ZNF292: variants seen among roughly 807,000 people sequenced by gnomAD.
ZNF292 encodes the protein 16 zinc-finger domain protein.
In ZNF292, 26 loss-of-function variants were observed where a neutral mutation model predicts 217.9. The observed-to-expected ratio is 0.12, with a 90% CI of 0.09 to 0.17. ZNF292 has a LOEUF of 0.17. Ranked by LOEUF, ZNF292 falls within the 10% of genes least tolerant of loss-of-function variation. The probability of loss-of-function intolerance (pLI) is 1.00; values close to 1 mark genes in which losing one functional copy is unlikely to be tolerated. For synonymous variants in ZNF292, 1,257 were observed against 1,124.1 expected (o/e 1.12, Z -2.37); for missense variants, 2,904 against 3,175.2 (o/e 0.91, Z 2.05).
At chr6:87,242,010 C>T (rs1345831849) in intron 5 of ZNF292, among the ~76,000 whole-genome samples, 38 of 152,126 alleles carry the variant, frequency 2.5e-4, no homozygotes, top group Admixed American at 2.5e-3. Flanking sequence ...CATCATAAGT[C>T]GCAGACCATC....
intron 1 of ZNF292, among the ~76,000 whole-genome samples, chr6:87,190,313 A>G (rs1003771433): frequency 1.3e-5 from 2 of 152,198 alleles, no homozygotes; most frequent in Non-Finnish European, 2.9e-5. Flanking sequence ...ATTAATGAAC[A>G]TTGTCTTAGA....
At chr6:87,210,036 A>G (rs1188183518) in intron 1 of ZNF292, among the ~76,000 whole-genome samples, 1 of 152,210 alleles carries the variant, frequency 6.6e-6, no homozygotes, top group Non-Finnish European at 1.5e-5. Context: ...TGTTTATTAA[A>G]TGTAACACCC....
chr6:87,164,081 A>G (rs1458540037), intron 1 of ZNF292, among the ~76,000 whole-genome samples: 2 of 152,192 alleles, frequency 1.3e-5, no homozygotes, highest in Non-Finnish European at 2.9e-5. Context: ...CATGTTACAA[A>G]CTATCCAAAA....
chr6:87,226,677 ATATATAGATTT>A (rs1365385833), intron 4 of ZNF292, among the ~76,000 whole-genome samples: 1 of 107,888 alleles, frequency 9.3e-6, no homozygotes, highest in Non-Finnish European at 1.9e-5. Context: ...AGATATATAG[ATATATAGATTT>A]TTTTTTTTTG....
chr6:87,232,718 GAA>G (rs1773714013), intron 4 of ZNF292, among the ~76,000 whole-genome samples: 1 of 23,826 alleles, frequency 4.2e-5, no homozygotes, highest in African/African-American at 1.1e-3. Flanking sequence ...AAAACCCACA[GAA>G]GTTTTATCCT....
intron 1 of ZNF292, among the ~76,000 whole-genome samples, chr6:87,193,135 T>A (rs1408669171): frequency 2.0e-5 from 3 of 152,098 alleles, no homozygotes; most frequent in Admixed American, 6.6e-5. Flanking sequence ...TGAGGGTAAT[T>A]TTAAGTACAG....
rs68087857 is a variant in ZNF292 at position 87,204,554 on chromosome 6, A to ATTTTTTTTTTTTTTTTTTTT, written c.169-11342_169-11323dup. ...TAGGATTTGGTTGGTAACATTTAGG[A>ATTTTTTTTTTTTTTTTTTTT]TTTTTTTTTTTTTTTTTTTTTTTTT... On this transcript the variant is annotated intron_variant, in intron 1 of 7. Transcript: ENST00000369577. Among the ~76,000 whole-genome samples, 6 of 63,638 alleles carry ATTTTTTTTTTTTTTTTTTTT rather than the reference A, an allele frequency of 9.4e-5. 1 individual carries two copies. Among genetic ancestry groups the ATTTTTTTTTTTTTTTTTTTT allele is most frequent in the African/African-American group, 3.5e-4 (5 of 14,378 alleles). 41.7% of individuals were successfully genotyped at this position (63,638 alleles called of 152,430 possible).
intron 2 of ZNF292, 51 bp from the exon 3 acceptor site, chr6:87,216,247 TC>T: frequency 6.8e-7 from 1 of 1,475,748 alleles, no homozygotes; most frequent in Non-Finnish European, 9.3e-7. Context: ...TTTTATAATT[TC>T]CTTTGAATTT....
At position 87,255,527 on chromosome 6, in the gene ZNF292, G is replaced by A. The variant is rs746187754; in HGVS notation, c.1898G>A (p.Arg633Gln). Residue 633 changes from arginine (R) to glutamine (Q), a missense_variant, in exon 8 of 8, where the codon CGA (arginine) becomes CAA (glutamine). By Grantham distance (43) the Arg-to-Gln change is conservative. Transcript: ENST00000369577. Reference sequence around the variant, plus strand: ...AATACTGTGGCTAAACAGGAGCAGCGACCTATAAAAAAGAATAGTCTCTAT... The same window carrying A: ...AATACTGTGGCTAAACAGGAGCAGCAACCTATAAAAAAGAATAGTCTCTAT... ...KTNTVAKQEQRPIKKNSLYST... is the reference protein window; with the variant it reads ...KTNTVAKQEQQPIKKNSLYST... 1.9e-6 allele frequency: 3 copies of A among 1,612,374 alleles called. No individual in the cohort carries two copies. The highest frequency in any genetic ancestry group is 1.7e-5 in the Admixed American group (1 of 59,690).
At position 87,254,835 on chromosome 6, in the gene ZNF292, G is replaced by A. The variant is rs116277830; in HGVS notation, c.1206G>A (p.Ala402=). 6.8e-4 allele frequency: 1,105 copies of A among 1,613,808 alleles called. 3 individuals carry two copies. In the African/African-American group the frequency reaches 0.012, roughly 18 times the overall value. ...SEFLIEPTVD[A]YYAVEMLYNQ... ...TTCTTATTGAGCCTACAGTAGATGC[G>A]TATTATGCTGTGGAAATGTTGTATA... The change falls in exon 8 of 8, where the codon GCG becomes GCA. Residue 402 remains alanine, a synonymous_variant. Transcript: ENST00000369577.
intron 5 of ZNF292, among the ~76,000 whole-genome samples, chr6:87,237,567 A>G (rs1018857603): frequency 1.3e-5 from 2 of 152,240 alleles, no homozygotes; most frequent in African/African-American, 2.4e-5. Context: ...ATGTGATTAC[A>G]GCCAATACTT....
At chr6:87,162,227 G>C (rs567918463) in intron 1 of ZNF292, among the ~76,000 whole-genome samples, 1 of 152,220 alleles carries the variant, frequency 6.6e-6, no homozygotes, top group South Asian at 2.1e-4. Context: ...TGCCTGATTG[G>C]TATAAGAAAT....
At chr6:87,190,862 GTTTC>G (rs1349386055) in intron 1 of ZNF292, among the ~76,000 whole-genome samples, 1 of 152,026 alleles carries the variant, frequency 6.6e-6, no homozygotes, top group African/African-American at 2.4e-5. Context: ...TTTCTTTACT[GTTTC>G]TTCTGAAGTT....
intron 5 of ZNF292, among the ~76,000 whole-genome samples, chr6:87,239,744 A>G (rs558070264): frequency 7.6e-6 from 1 of 132,302 alleles, no homozygotes; most frequent in African/African-American, 3.1e-5. Context: ...CGCTCCTCAC[A>G]TCCCAGATGG....
At chr6:87,189,437 CCTT>C in intron 1 of ZNF292, among the ~76,000 whole-genome samples, 1 of 151,824 alleles carries the variant, frequency 6.6e-6, no homozygotes, top group East Asian at 1.9e-4. Flanking sequence ...ATTCAGATCT[CCTT>C]AGGTTTTTCT....
At chr6:87,230,550 G>A (rs760652065) in intron 4 of ZNF292, among the ~76,000 whole-genome samples, 5 of 151,968 alleles carry the variant, frequency 3.3e-5, no homozygotes, top group African/African-American at 9.7e-5. Context: ...TGGCGAACAC[G>A]GTGAAACCCC....
Position 87,258,807 on chromosome 6 carries a change from T to G in ZNF292, c.5178T>G (p.Gly1726=). The change falls in exon 8 of 8, where the codon GGT becomes GGG. Residue 1726 remains glycine (G), a synonymous_variant. Transcript: ENST00000369577. ...LAPLTLKTEN[G]DSQMMALNSC... is the part of the protein sequence containing the mutation. ...CTTTAACATTAAAAACTGAAAATGG[T>G]GATTCCCAAATGATGGCTTTGAATT... The G allele has an allele frequency of 6.2e-7, 1 of 1,613,150 alleles. No individual in the cohort carries two copies. Among genetic ancestry groups the G allele is most frequent in the Non-Finnish European group, 8.5e-7 (1 of 1,179,544 alleles).
intron 1 of ZNF292, among the ~76,000 whole-genome samples, chr6:87,185,331 C>T (rs145928293): frequency 4.6e-5 from 7 of 152,238 alleles, no homozygotes; most frequent in African/African-American, 9.6e-5. Flanking sequence ...TTTAGACTTC[C>T]GGGATTTTGA....
At chr6:87,162,937 T>C (rs953229916) in intron 1 of ZNF292, among the ~76,000 whole-genome samples, 1 of 152,222 alleles carries the variant, frequency 6.6e-6, no homozygotes, top group South Asian at 2.1e-4. Flanking sequence ...GAAAGTTTGC[T>C]TTCATTAATA....
Sources: allele counts gnomAD v4.1 joint callset (sites outside exome capture counted in the v4.1 genomes callset), GRCh38; gene constraint gnomAD v4.1.1; transcripts MANE v1.5; gene names NCBI Gene and HGNC (gene_info 2026-07-23, HGNC 2026-07-21).